Variants in PRKCI observed in about 807,000 individuals in gnomAD.
PRKCI encodes the protein protein kinase C iota.
Under a neutral mutation model 84.0 loss-of-function variants are expected in PRKCI, and 43 were observed. The ratio of observed to expected loss-of-function variants is 0.51; its 90% CI spans 0.40 to 0.66. The LOEUF (loss-of-function observed/expected upper bound fraction) is 0.66, where lower values mean the gene tolerates loss of function less well. PRKCI is among the 30% of genes least tolerant of loss of function. The pLI is 0.00. For missense variants in PRKCI, 459 were observed against 745.6 expected, an observed-to-expected ratio of 0.62 and a Z score of 4.48; for synonymous variants, 216 against 234.4, an observed-to-expected ratio of 0.92 and a Z score of 0.72.
At chr3:170,241,598 A>G (rs1733133733) in intron 2 of PRKCI, among the ~76,000 whole-genome samples, 1 of 152,058 alleles carries the variant, frequency 6.6e-6, no homozygotes, top group Non-Finnish European at 1.5e-5. Context: ...TTGTTTCCAT[A>G]TCTTAGCTAT....
At chr3:170,239,539 G>A (rs182452333) in intron 2 of PRKCI, among the ~76,000 whole-genome samples, 7 of 152,194 alleles carry the variant, frequency 4.6e-5, no homozygotes, top group African/African-American at 9.6e-5. Flanking sequence ...TTTATTAGAC[G>A]TACTTAGTTT....
At chr3:170,268,088 T>C in intron 5 of PRKCI, 88 bp downstream of exon 5, 1 of 1,078,600 alleles carries the variant, frequency 9.3e-7, no homozygotes. Context: ...TTATTAAGTC[T>C]TGTTATACAC....
Position 170,281,938 on chromosome 3 carries a change from G to A in PRKCI, c.1037G>A (p.Arg346Gln), listed in dbSNP as rs1734259822. Residue 346 changes from arginine to glutamine, a missense_variant, in exon 11 of 18, where the codon CGA (arginine) becomes CAA (glutamine). Arg to Gln is a conservative substitution (Grantham distance 43). Around this residue, in one of 2 missense-constraint regions of PRKCI, gnomAD observed 209 missense variants for 425.9 expected, o/e 0.49. Coordinates refer to ENST00000295797, the MANE Select transcript of PRKCI (RefSeq NM_002740.6). ...GGAGACCTAATGTTTCATATGCAGC[G>A]ACAAAGAAAACTTCCTGAAGAACAT... ...NGGDLMFHMQ[R>Q]QRKLPEEHAR... is the part of the protein sequence containing the mutation. The A allele has an allele frequency of 2.5e-6, 4 of 1,611,206 alleles. No homozygotes were observed. Among genetic ancestry groups the A allele is most frequent in the South Asian group, 1.1e-5 (1 of 90,558 alleles).
At chr3:170,261,723 A>G (rs1733732649) in intron 3 of PRKCI, among the ~76,000 whole-genome samples, 1 of 152,032 alleles carries the variant, frequency 6.6e-6, no homozygotes, top group Admixed American at 6.6e-5. Context: ...ACCTCAGGTG[A>G]TCTGCCTGCC....
chr3:170,228,052 G>A (rs1180963324), intron 1 of PRKCI, among the ~76,000 whole-genome samples: 2 of 152,056 alleles, frequency 1.3e-5, no homozygotes, highest in Admixed American at 1.3e-4. Context: ...GAGATTTGTG[G>A]GAGAAGTTAA....
At chr3:170,244,004 A>G (rs1323749743) in intron 2 of PRKCI, among the ~76,000 whole-genome samples, 1 of 152,226 alleles carries the variant, frequency 6.6e-6, no homozygotes, top group Non-Finnish European at 1.5e-5. Context: ...ATACTATAAT[A>G]TAATGAAAAA....
At chr3:170,238,035 T>A (rs1261398211) in intron 2 of PRKCI, among the ~76,000 whole-genome samples, 4 of 152,166 alleles carry the variant, frequency 2.6e-5, no homozygotes, top group Non-Finnish European at 5.9e-5. Context: ...TGGAGCCCAG[T>A]GCCACCCACC....
chr3:170,253,118 A>T (rs2650230), intron 2 of PRKCI, among the ~76,000 whole-genome samples: 1 of 152,018 alleles, frequency 6.6e-6, no homozygotes, highest in Non-Finnish European at 1.5e-5. Flanking sequence ...CTTCCAAATC[A>T]TGGCTATTGT....
chr3:170,237,153 C>T (rs1020413626), intron 2 of PRKCI, among the ~76,000 whole-genome samples: 2 of 152,036 alleles, frequency 1.3e-5, no homozygotes, highest in African/African-American at 4.8e-5. Context: ...TGTAGAAAGG[C>T]ACAGAAATGT....
chr3:170,294,427 T>A lies in PRKCI; in HGVS notation c.1417+919T>A, dbSNP rs530293749. On this transcript the variant is annotated intron_variant, in intron 14 of 17. Transcript: ENST00000295797. ...GGCCATGGAATATGTGAAAAGACAT[T>A]CAGTCTCACTAGCAATTAAGGGAAT... 2.0e-5 allele frequency among the ~76,000 whole-genome samples: 3 copies of A among 152,312 alleles called. No individual in the cohort carries two copies. The South Asian group carries it at 6.2e-4, about 32-fold the overall frequency.
intron 6 of PRKCI, among the ~76,000 whole-genome samples, chr3:170,271,877 A>C (rs1018316759): frequency 6.6e-6 from 1 of 152,120 alleles, no homozygotes; most frequent in Non-Finnish European, 1.5e-5. Flanking sequence ...TCTGTCTTCC[A>C]GGCTGGAATG....
chr3:170,274,280 T>C (rs12636952), intron 7 of PRKCI, among the ~76,000 whole-genome samples: 1 of 152,108 alleles, frequency 6.6e-6, no homozygotes, highest in African/African-American at 2.4e-5. Context: ...TACAGGTTCA[T>C]GCCACCATGC....
At chr3:170,243,225 T>C (rs1733180938) in intron 2 of PRKCI, among the ~76,000 whole-genome samples, 1 of 152,166 alleles carries the variant, frequency 6.6e-6, no homozygotes. Flanking sequence ...CTCCTGCTCT[T>C]TTGTCCTCAG....
chr3:170,273,317 T>C lies in PRKCI; in HGVS notation c.623T>C (p.Met208Thr). The C allele has an allele frequency of 3.1e-6, 5 of 1,613,850 alleles. No individual in the cohort carries two copies. Among genetic ancestry groups the C allele is most frequent in the Non-Finnish European group, 4.2e-6 (5 of 1,179,800 alleles). The change falls in exon 7 of 18, where the codon ATG becomes ACG. Residue 208 changes from methionine to threonine, a missense_variant. By Grantham distance (81) the Met-to-Thr change is moderately conservative (BLOSUM62 -1). Transcript: ENST00000295797. Reference sequence around the variant, plus strand: ...GTGATGCCCATGGATCAGTCATCCATGCATTCTGACCATGCACAGACAGGT... The same window carrying C: ...GTGATGCCCATGGATCAGTCATCCACGCATTCTGACCATGCACAGACAGGT... ...EPVMPMDQSS[M>T]HSDHAQTVIP...
intron 2 of PRKCI, among the ~76,000 whole-genome samples, chr3:170,256,124 T>C (rs1733577393): frequency 6.6e-6 from 1 of 152,222 alleles, no homozygotes; most frequent in African/African-American, 2.4e-5. Flanking sequence ...TCATCAGAGA[T>C]ATTGACCTGT....
Position 170,222,692 on chromosome 3 carries a change from G to A in PRKCI, c.23G>A (p.Ser8Asn). The A allele has an allele frequency of 6.2e-7, 1 of 1,607,158 alleles. No individual in the cohort carries two copies. The highest frequency in any genetic ancestry group is 1.8e-4 in the Middle Eastern group (1 of 5,596). Residue 8 changes from serine (S) to asparagine (N), a missense_variant, in exon 1 of 18, where the codon AGC becomes AAC. By Grantham distance (46) the Ser-to-Asn change is conservative. Around this residue, in one of 2 missense-constraint regions of PRKCI, gnomAD observed 250 missense variants for 319.7 expected, o/e 0.78. Transcript: ENST00000295797. ...GAGATGCCGACCCAGAGGGACAGCA[G>A]CACCATGTCCCACACGGTCGCAGGC... is the stretch of plus-strand genomic sequence containing the variant. MPTQRDS[S>N]TMSHTVAGGG...
intron 2 of PRKCI, among the ~76,000 whole-genome samples, chr3:170,252,790 A>G (rs374345368): frequency 3.3e-5 from 5 of 151,974 alleles, no homozygotes; most frequent in East Asian, 3.9e-4. Context: ...TGGAGGTCTC[A>G]CTGTGTTGCC....
At chr3:170,260,448 A>C (rs1290453128) in intron 3 of PRKCI, among the ~76,000 whole-genome samples, 1 of 152,172 alleles carries the variant, frequency 6.6e-6, no homozygotes, top group Non-Finnish European at 1.5e-5. Context: ...TTAAAGGTTA[A>C]TAGTGAAACT....
intron 17 of PRKCI, among the ~76,000 whole-genome samples, chr3:170,302,039 G>A (rs1734833650): frequency 2.0e-5 from 3 of 151,980 alleles, no homozygotes; most frequent in South Asian, 4.1e-4. Context: ...TGTGTATCCC[G>A]CCTTCATTTT....
Sources: allele counts gnomAD v4.1 joint callset (sites outside exome capture counted in the v4.1 genomes callset), GRCh38; gene constraint gnomAD v4.1.1; regional missense constraint gnomAD v4.1.1; transcripts MANE v1.5; gene names NCBI Gene and HGNC (gene_info 2026-07-23, HGNC 2026-07-21).